The following ST7 variants were observed in gnomAD, a reference collection of about 807,000 sequenced individuals.
ST7 encodes suppressor of tumorigenicity 7 protein.
ST7 carries 28 observed loss-of-function variants against 78.7 expected under a neutral mutation model. The ratio of observed to expected loss-of-function variants is 0.36; its 90% CI spans 0.26 to 0.49. The LOEUF is 0.49. Among genes scored for constraint, ST7 ranks in the 20% least tolerant of loss-of-function variants. The pLI, the probability that ST7 is intolerant of heterozygous loss-of-function variation, is 0.99. For missense variants in ST7, 418 were observed against 696.0 expected (o/e 0.60, Z 4.49); for synonymous variants, 247 against 249.6 (o/e 0.99, Z 0.10).
At chr7:117,189,422 A>G (rs770355223) in intron 11 of ST7, 29 bp downstream of exon 11, 43 of 1,541,754 alleles carry the variant, frequency 2.8e-5, no homozygotes, top group Non-Finnish European at 3.5e-5. Flanking sequence ...GCGCGGTACT[A>G]ATGCCTGACC....
intron 1 of ST7, among the ~76,000 whole-genome samples, chr7:117,099,280 G>A (rs917202055): frequency 6.6e-5 from 10 of 151,874 alleles, no homozygotes; most frequent in African/African-American, 2.2e-4. Flanking sequence ...TTCCTTCTTA[G>A]GGGTAACCAT....
intron 9 of ST7, among the ~76,000 whole-genome samples, chr7:117,142,298 A>G (rs756794585): frequency 2.5e-4 from 38 of 152,222 alleles, no homozygotes; most frequent in South Asian, 6.2e-4. Flanking sequence ...CCTGTATGAA[A>G]GAACTCAAAA....
chr7:117,045,235 C>T (rs1007821209), intron 1 of ST7, among the ~76,000 whole-genome samples: 5 of 152,084 alleles, frequency 3.3e-5, no homozygotes, highest in South Asian at 2.1e-4. Context: ...TCCAGTCAGA[C>T]CTTGTCACTC....
chr7:117,200,578 G>A (rs1810731039), intron 12 of ST7, among the ~76,000 whole-genome samples: 1 of 152,146 alleles, frequency 6.6e-6, no homozygotes. Flanking sequence ...CCGCCCAAGA[G>A]GTAGTGGAGG....
rs573375203 is a variant in ST7 at position 117,058,920 on chromosome 7, T to C, written c.152-40842T>C. On this transcript the variant is annotated intron_variant, in intron 1 of 15. Coordinates refer to ENST00000323984, the MANE Select transcript of ST7 (RefSeq NM_001369598.1). ...ACATGGATGGAACTGCAGGTCATTA[T>C]ATTAAGAGAAATAAGCCAGGCGCAG... 1.1e-4 allele frequency among the ~76,000 whole-genome samples: 17 copies of C among 152,334 alleles called. 1 individual carries two copies. The highest frequency in any genetic ancestry group is 2.1e-4 in the South Asian group (1 of 4,824).
At chr7:116,977,790 G>T (rs559749053) in intron 1 of ST7, among the ~76,000 whole-genome samples, 30 of 152,320 alleles carry the variant, frequency 2.0e-4, no homozygotes, top group African/African-American at 6.7e-4. Context: ...TTGACCTCAT[G>T]ATTCGTCCGG....
At chr7:117,222,853 C>T (rs1190233510) in intron 15 of ST7, 27 of 1,610,748 alleles carry the variant, frequency 1.7e-5, no homozygotes, top group Non-Finnish European at 2.1e-5. Flanking sequence ...GATTTAATCC[C>T]TTTCCAGATG....
chr7:117,165,159 G>A (rs1055595632), intron 9 of ST7, among the ~76,000 whole-genome samples: 6 of 152,174 alleles, frequency 3.9e-5, no homozygotes, highest in African/African-American at 7.2e-5. Context: ...AGGAGAGGCC[G>A]GAGGAATCTG....
intron 1 of ST7, among the ~76,000 whole-genome samples, chr7:117,003,334 G>C (rs1212524841): frequency 6.6e-6 from 1 of 151,740 alleles, no homozygotes; most frequent in Admixed American, 6.6e-5. Flanking sequence ...GTCTCACTCT[G>C]TCGCCCAGGC....
At chr7:116,966,424 T>A (rs1793118412) in intron 1 of ST7, among the ~76,000 whole-genome samples, 1 of 152,040 alleles carries the variant, frequency 6.6e-6, no homozygotes, top group Non-Finnish European at 1.5e-5. Flanking sequence ...CTAATTTTTT[T>A]ATTTTTAGTA....
chr7:117,085,106 G>C (rs1281078129), intron 1 of ST7, among the ~76,000 whole-genome samples: 1 of 152,100 alleles, frequency 6.6e-6, no homozygotes, highest in Non-Finnish European at 1.5e-5. Context: ...AAGGAAGGGA[G>C]AAAAACACCA....
intron 1 of ST7, among the ~76,000 whole-genome samples, chr7:116,961,388 A>G (rs1792813145): frequency 6.6e-6 from 1 of 152,154 alleles, no homozygotes; most frequent in Non-Finnish European, 1.5e-5. Flanking sequence ...TATCATTGAA[A>G]TTGTAAATTG....
chr7:117,136,764 T>C (rs956257994), intron 8 of ST7: 1 of 153,530 alleles, frequency 6.5e-6, no homozygotes, highest in African/African-American at 2.4e-5. Flanking sequence ...GTTATTTATC[T>C]TTTTTATATT....
chr7:117,138,585 T>C (rs1805000365), intron 9 of ST7, 53 bp downstream of exon 9: 2 of 1,276,824 alleles, frequency 1.6e-6, no homozygotes, highest in Non-Finnish European at 2.2e-6. Context: ...AGGAGCCCGC[T>C]GAATGGCCAT....
chr7:116,983,199 C>T (rs1000980076), intron 1 of ST7, among the ~76,000 whole-genome samples: 10 of 152,064 alleles, frequency 6.6e-5, no homozygotes, highest in African/African-American at 1.2e-4. Flanking sequence ...CGCCCAGCCA[C>T]GTATATTGTT....
At chr7:117,009,589 G>A (rs905535457) in intron 1 of ST7, among the ~76,000 whole-genome samples, 1 of 152,176 alleles carries the variant, frequency 6.6e-6, no homozygotes, top group East Asian at 1.9e-4. Flanking sequence ...TTTGTAGGAC[G>A]AAAATCTTAA....
intron 1 of ST7, among the ~76,000 whole-genome samples, chr7:117,075,609 G>A (rs966710826): frequency 6.6e-5 from 10 of 152,144 alleles, no homozygotes; most frequent in Non-Finnish European, 1.2e-4. Context: ...CTGCTTCCAG[G>A]CCTGTCTGTG....
At chr7:117,098,547 C>T (rs1056451911) in intron 1 of ST7, 4 of 239,280 alleles carry the variant, frequency 1.7e-5, no homozygotes, top group African/African-American at 7.0e-5. Context: ...ACTTGGTCTT[C>T]TAGAGAGTGG....
rs1584716596 is a variant in ST7, at chr7:117,120,168, AAT to A, written c.394+449_394+450del. ...TGGTCTCAAACTCCTGGGCTCAAGT[AAT>A]CTGCCCGCCTTGGCCTCCCAAAGTG... is the stretch of plus-strand genomic sequence containing the variant. On this transcript the variant is annotated intron_variant, in intron 3 of 15. Coordinates refer to ENST00000323984, the MANE Select transcript of ST7 (RefSeq NM_001369598.1). Among the ~76,000 whole-genome samples the A allele has an allele frequency of 2.0e-5, 3 of 152,154 alleles. No individual in the cohort carries two copies. The East Asian group carries it at 5.8e-4, about 29-fold the overall frequency.
Sources: gnomAD v4.1 joint callset for allele counts (sites outside exome capture counted in the v4.1 genomes callset) on GRCh38, gnomAD v4.1.1 for gene constraint, MANE v1.5 for transcripts, NCBI Gene and HGNC (gene_info 2026-07-23, HGNC 2026-07-21) for gene names.